E2F1: variants seen among roughly 807,000 people sequenced by gnomAD.
E2F1 encodes the protein transcription factor E2F1.
E2F1 carries 7 observed loss-of-function variants against 36.9 expected under a neutral mutation model. The ratio of observed to expected loss-of-function variants is 0.19; its 90% CI spans 0.11 to 0.36. The LOEUF (loss-of-function observed/expected upper bound fraction) is 0.36, where lower values mean the gene tolerates loss of function less well. E2F1 is among the 10% of genes least tolerant of loss of function. The pLI is 1.00. For missense variants in E2F1, 406 were observed against 573.6 expected, an observed-to-expected ratio of 0.71 and a Z score of 2.99; for synonymous variants, 261 against 263.1, an observed-to-expected ratio of 0.99 and a Z score of 0.08.
intron 1 of E2F1, among the ~76,000 whole-genome samples, chr20:33,682,282 C>G (rs2018025259): frequency 6.6e-6 from 1 of 152,130 alleles, no homozygotes; most frequent in Admixed American, 6.5e-5. Flanking sequence ...CTTTTGAAGG[C>G]ACCCAGGGGA....
At position 33,677,014 on chromosome 20, in the gene E2F1, C is replaced by T. The variant is rs903640215; in HGVS notation, c.1067-35G>A. 9.0e-6 allele frequency: 14 copies of T among 1,557,626 alleles called. No homozygotes were observed. The African/African-American group carries it at 1.6e-4, about 18-fold the overall frequency. ...CGGGGAGCATCACAGGCCGGGGATG[C>T]CCCAGCAGGGAGGAAGGCAGGGGCT... On this transcript the variant is annotated intron_variant, in intron 6 of 6. Coordinates refer to ENST00000343380, the MANE Select transcript of E2F1 (RefSeq NM_005225.3).
At position 33,681,193 on chromosome 20, in the gene E2F1, C is replaced by T. The variant is rs977155565; in HGVS notation, c.262-777G>A. 3.9e-5 allele frequency among the ~76,000 whole-genome samples: 6 copies of T among 152,130 alleles called. No homozygotes were observed. The South Asian group carries it at 8.3e-4, about 21-fold the overall frequency. Reference sequence around the variant, plus strand: ...AGCTGGGACCACAGGCGCATCCCTCCAAGACCAGCTAACTTTTCTATTTCT... The same window carrying T: ...AGCTGGGACCACAGGCGCATCCCTCTAAGACCAGCTAACTTTTCTATTTCT... On this transcript the variant is annotated intron_variant, in intron 1 of 6. Coordinates refer to ENST00000343380, the MANE Select transcript of E2F1 (RefSeq NM_005225.3).
intron 1 of E2F1, among the ~76,000 whole-genome samples, chr20:33,682,489 C>A (rs1279162847): frequency 1.3e-5 from 2 of 152,162 alleles, no homozygotes; most frequent in Admixed American, 6.5e-5. Context: ...TCCCCAGAAC[C>A]CAGCCAGAAT....
At position 33,679,265 on chromosome 20, in the gene E2F1, G is replaced by A. The variant is rs1243115029; in HGVS notation, c.572+490C>T. ...GATGAATAAATATATAAAGCTGCGCGGGGCGCAGTGGCTCATGCCTGTAAT... is the reference window on the plus strand; with the variant it reads ...GATGAATAAATATATAAAGCTGCGCAGGGCGCAGTGGCTCATGCCTGTAAT... On this transcript the variant is annotated intron_variant, in intron 3 of 6. Transcript: ENST00000343380. This position sits in a 1 kb window ranked among gnomAD's most constrained non-coding sequence, Gnocchi z 4.6. Among the ~76,000 whole-genome samples, 4 of 152,134 alleles carry A rather than the reference G, an allele frequency of 2.6e-5. No individual in the cohort carries two copies. The highest frequency in any genetic ancestry group is 6.5e-5 in the Admixed American group (1 of 15,278).
intron 1 of E2F1, among the ~76,000 whole-genome samples, chr20:33,684,689 G>A (rs891740125): frequency 1.1e-4 from 17 of 152,200 alleles, no homozygotes; most frequent in Admixed American, 8.5e-4. Context: ...CAAAACAATG[G>A]TGGCTGCTAT....
rs187191843 is a variant in E2F1, at chr20:33,677,628, G to A, written c.726-88C>T. ...ACAAGGCAGGGCTCACACCTGCCTA[G>A]TCACTCCTGTCCTCCCAACCTCCTA... On this transcript the variant is annotated intron_variant, in intron 4 of 6. Coordinates refer to ENST00000343380, the MANE Select transcript of E2F1 (RefSeq NM_005225.3). 2.9e-4 allele frequency: 289 copies of A among 984,648 alleles called. 1 individual carries two copies. The African/African-American group carries it at 4.2e-3, about 14-fold the overall frequency. 61.0% of individuals were successfully genotyped at this position (984,648 alleles called of 1,614,324 possible).
intron 6 of E2F1, 59 bp from the exon 7 acceptor site, chr20:33,677,038 C>T (rs2017969993): frequency 1.3e-6 from 2 of 1,560,326 alleles, no homozygotes; most frequent in Admixed American, 3.6e-5. Context: ...AAGGCAGGGG[C>T]TGTCGTGCCT....
Position 33,676,810 on chromosome 20 carries a change from G to A in E2F1, c.1236C>T (p.His412=). 6.2e-7 allele frequency: 1 copy of A among 1,602,186 alleles called. No homozygotes were observed. Among genetic ancestry groups the A allele is most frequent in the Non-Finnish European group, 8.5e-7 (1 of 1,174,056 alleles). The change falls in exon 7 of 7, where the codon CAC becomes CAT. Residue 412 remains histidine (H), a synonymous_variant. Transcript: ENST00000343380. ...TGCCCTCGCCCTCCTCGAGGCCGAA[G>A]TGGTAGTCGAGGGCCTCGTGGGGTG... The part of the protein sequence containing the change: ...LSPPHEALDY[H]FGLEEGEGIR...
Position 33,679,977 on chromosome 20 carries a change from G to A in E2F1, c.353-3C>T. ...CTTCTCCCCCGGGGATTTCACACCTGTGGGGGTGTGGTCAGGCAAGACAGG... is the reference window on the plus strand; with the variant it reads ...CTTCTCCCCCGGGGATTTCACACCTATGGGGGTGTGGTCAGGCAAGACAGG... On this transcript the variant is annotated splice_polypyrimidine_tract_variant and splice_region_variant and intron_variant, in intron 2 of 6. Transcript: ENST00000343380. This position sits in a 1 kb window ranked among gnomAD's most constrained non-coding sequence, Gnocchi z 4.6. 6.2e-7 allele frequency: 1 copy of A among 1,610,630 alleles called. No individual in the cohort carries two copies. The highest frequency in any genetic ancestry group is 8.5e-7 in the Non-Finnish European group (1 of 1,177,740).
intron 1 of E2F1, among the ~76,000 whole-genome samples, chr20:33,683,729 G>A (rs904015356): frequency 2.6e-5 from 4 of 151,840 alleles, no homozygotes; most frequent in Non-Finnish European, 5.9e-5. Context: ...CCGCAATCAC[G>A]CCACTGCACT....
At chr20:33,678,717 G>C (rs1470055688) in intron 3 of E2F1, among the ~76,000 whole-genome samples, 1 of 152,094 alleles carries the variant, frequency 6.6e-6, no homozygotes, top group Non-Finnish European at 1.5e-5. Flanking sequence ...ACTTTGGGGG[G>C]CTGAGGCCAG....
chr20:33,678,136 C>A, intron 4 of E2F1, 65 bp downstream of exon 4: 1 of 1,538,150 alleles, frequency 6.5e-7, no homozygotes. Context: ...CTCTCTAGTC[C>A]CACTTGGGTG....
chr20:33,677,151 T>C lies in E2F1; in HGVS notation c.1020A>G (p.Ser340=), dbSNP rs753343055. The C allele has an allele frequency of 1.9e-6, 3 of 1,613,512 alleles. No homozygotes were observed. The highest frequency in any genetic ancestry group is 1.7e-5 in the Admixed American group (1 of 59,974). The change falls in exon 6 of 7, where the codon TCA becomes TCG. Residue 340 remains serine (S), a synonymous_variant. Transcript: ENST00000343380. ...ACTGGCTGGGATCTGTGGTGAGGGA[T>C]GAGGGGGGAGATGATGGTGGTGGTG... ...IVSPPPSSPP[S]SLTTDPSQSL...
At chr20:33,680,087 C>A in intron 2 of E2F1, 113 bp from the exon 3 acceptor site, 1 of 998,018 alleles carries the variant, frequency 1.0e-6, no homozygotes, top group Non-Finnish European at 1.5e-6. Context: ...TGGGGGACAG[C>A]CAGCTCCTTC....
At chr20:33,678,504 C>A in intron 3 of E2F1, 151 bp from the exon 4 acceptor site, 1 of 991,712 alleles carries the variant, frequency 1.0e-6, no homozygotes, top group Non-Finnish European at 1.4e-6. Context: ...CTCAGCTGGG[C>A]TCCAAATCAG....
At chr20:33,677,075 C>T (rs1230405701) in intron 6 of E2F1, 30 bp downstream of exon 6, 57 of 1,588,916 alleles carry the variant, frequency 3.6e-5, no homozygotes, top group Non-Finnish European at 4.6e-5. Context: ...AGGGGCCCTG[C>T]CCCACCCCAC....
Position 33,677,196 on chromosome 20 carries a change from A to G in E2F1, c.975T>C (p.Thr325=). 1 of 1,614,158 alleles carries G rather than the reference A, an allele frequency of 6.2e-7. No homozygotes were observed. ...EVTSEEENRA[T]DSATIVSPPP... ...GTGGTGACACTATGGTGGCAGAGTC[A>G]GTGGCCCTGTTCTCCTCCTCAGAAG... is the stretch of plus-strand genomic sequence containing the variant. Residue 325 remains threonine (T), a synonymous_variant, in exon 6 of 7, where the codon ACT becomes ACC. Coordinates refer to ENST00000343380, the MANE Select transcript of E2F1 (RefSeq NM_005225.3).
chr20:33,677,345 C>A lies in E2F1; in HGVS notation c.841-15G>T. 6.2e-7 allele frequency: 1 copy of A among 1,611,632 alleles called. No homozygotes were observed. Among genetic ancestry groups the A allele is most frequent in the Non-Finnish European group, 8.5e-7 (1 of 1,178,350 alleles). On this transcript the variant is annotated splice_polypyrimidine_tract_variant and intron_variant, in intron 5 of 6. Coordinates refer to ENST00000343380, the MANE Select transcript of E2F1 (RefSeq NM_005225.3). The stretch of plus-strand genomic sequence containing the variant: ...ATCTGAAAGTTCTGGGTGGAAGCAG[C>A]AGGCAGGGTAAACTGAGGCCCAGGT...
At chr20:33,678,472 T>G in intron 3 of E2F1, 119 bp from the exon 4 acceptor site, 1 of 1,310,810 alleles carries the variant, frequency 7.6e-7, no homozygotes, top group Admixed American at 2.4e-5. Context: ...GGCAAGCCCT[T>G]GCTTCTGTCT....
Sources: allele counts gnomAD v4.1 joint callset (sites outside exome capture counted in the v4.1 genomes callset), GRCh38; gene constraint gnomAD v4.1.1; non-coding constraint Gnocchi (gnomAD v3.1); transcripts MANE v1.5; gene names NCBI Gene and HGNC (gene_info 2026-07-23, HGNC 2026-07-21).